Variants in SETD3 observed in about 807,000 individuals in gnomAD.
SETD3 encodes SET domain containing 3, actin N3(tau)-histidine methyltransferase.
SETD3 carries 19 observed loss-of-function variants against 63.0 expected under a neutral mutation model. The ratio of observed to expected loss-of-function variants is 0.30; its 90% CI spans 0.21 to 0.44. The LOEUF (loss-of-function observed/expected upper bound fraction) is 0.44, where lower values mean the gene tolerates loss of function less well. Ranked by LOEUF, SETD3 falls within the 20% of genes least tolerant of loss-of-function variation. SETD3 has a pLI of 1.00. For missense variants in SETD3, 587 were observed against 728.5 expected (o/e 0.81, Z 2.24); for synonymous variants, 286 against 264.1 (o/e 1.08, Z -0.80).
intron 6 of SETD3, among the ~76,000 whole-genome samples, chr14:99,427,423 G>A (rs563008977): frequency 6.6e-6 from 1 of 152,320 alleles, no homozygotes; most frequent in Admixed American, 6.5e-5. Context: ...TTGTGAGTAA[G>A]TGTGAAAACT....
chr14:99,398,447 C>T lies in SETD3; in HGVS notation c.*232G>A. ...TCCCACAGGCACCTCTTCTCCCTTT[C>T]TTGTGGTTGTTTGTTAATTGGTTTG... On this transcript the variant is annotated 3_prime_UTR_variant, in exon 13 of 13. Transcript: ENST00000331768. 1 of 523,066 alleles carries T rather than the reference C, an allele frequency of 1.9e-6. No individual in the cohort carries two copies. The highest frequency in any genetic ancestry group is 2.7e-5 in the South Asian group (1 of 37,594). The allele number at this position is 523,066 out of a possible 1,614,324, so 32.4% of individuals were successfully genotyped here.
intron 6 of SETD3, 51 bp downstream of exon 6, chr14:99,458,228 T>C (rs1189069115): frequency 1.3e-6 from 2 of 1,556,668 alleles, no homozygotes; most frequent in Non-Finnish European, 1.7e-6. Flanking sequence ...TCAATTCCTC[T>C]TTCCTCCCCA....
At chr14:99,421,841 G>A (rs1342199921) in intron 6 of SETD3, among the ~76,000 whole-genome samples, 1 of 152,082 alleles carries the variant, frequency 6.6e-6, no homozygotes, top group Non-Finnish European at 1.5e-5. Flanking sequence ...GAGTTTTCTG[G>A]AGTTTACTTC....
rs552018046 is a variant in SETD3, at chr14:99,444,625, G to A, written c.675+13654C>T. 9.2e-5 allele frequency among the ~76,000 whole-genome samples: 14 copies of A among 152,300 alleles called. No homozygotes were observed. The East Asian group carries it at 1.7e-3, about 19-fold the overall frequency. On this transcript the variant is annotated intron_variant, in intron 6 of 12. Coordinates refer to ENST00000331768, the MANE Select transcript of SETD3 (RefSeq NM_032233.3). ...TGTAATCCCTGCACATTGGGAGGCC[G>A]AGGCGGGTGGATCGCTTGAGCTCAT... is the stretch of plus-strand genomic sequence containing the variant.
At chr14:99,450,133 G>C (rs922515461) in intron 6 of SETD3, among the ~76,000 whole-genome samples, 2 of 152,152 alleles carry the variant, frequency 1.3e-5, no homozygotes, top group Non-Finnish European at 2.9e-5. Context: ...TTCCCTTACA[G>C]TGCTAAAGGA....
At chr14:99,470,004 C>T (rs912713314) in intron 1 of SETD3, among the ~76,000 whole-genome samples, 1 of 152,218 alleles carries the variant, frequency 6.6e-6, no homozygotes, top group Non-Finnish European at 1.5e-5. Flanking sequence ...CTTTCCACAG[C>T]TCACGGGATA....
intron 6 of SETD3, among the ~76,000 whole-genome samples, chr14:99,424,355 G>A (rs1016538859): frequency 3.3e-5 from 5 of 152,190 alleles, no homozygotes; most frequent in Non-Finnish European, 5.9e-5. Context: ...AAGCAGGAAC[G>A]TGGGGAGGAT....
At chr14:99,404,393 C>G in intron 10 of SETD3, 83 bp from the exon 11 acceptor site, 1 of 1,217,736 alleles carries the variant, frequency 8.2e-7, no homozygotes, top group Non-Finnish European at 1.2e-6. Flanking sequence ...GTCTACAGCA[C>G]GTGTGGTTGT....
chr14:99,428,728 T>TA (rs1429153246), intron 6 of SETD3, among the ~76,000 whole-genome samples: 1 of 152,072 alleles, frequency 6.6e-6, no homozygotes, highest in Non-Finnish European at 1.5e-5. Context: ...GAGAATCTGA[T>TA]AAAATCTATG....
chr14:99,467,527 G>A (rs565966327), intron 1 of SETD3, among the ~76,000 whole-genome samples: 105 of 152,304 alleles, frequency 6.9e-4, no homozygotes, highest in African/African-American at 2.4e-3. Flanking sequence ...CATCGAACTT[G>A]ACCTGAAAAT....
chr14:99,467,719 G>T (rs1028398045), intron 1 of SETD3, among the ~76,000 whole-genome samples: 1 of 152,298 alleles, frequency 6.6e-6, no homozygotes, highest in South Asian at 2.1e-4. Flanking sequence ...AGGCAAGAAC[G>T]TCACTTTGAT....
At chr14:99,453,145 G>T (rs1226619568) in intron 6 of SETD3, among the ~76,000 whole-genome samples, 2 of 152,334 alleles carry the variant, frequency 1.3e-5, no homozygotes, top group East Asian at 3.9e-4. Context: ...ACAATGCACT[G>T]ATGAGGTGAC....
At chr14:99,407,924 G>A (rs1459346187) in intron 8 of SETD3, among the ~76,000 whole-genome samples, 1 of 152,146 alleles carries the variant, frequency 6.6e-6, no homozygotes, top group African/African-American at 2.4e-5. Context: ...GAACCCGCAG[G>A]GGAAAGGAAA....
At chr14:99,456,383 T>C (rs1236373081) in intron 6 of SETD3, among the ~76,000 whole-genome samples, 4 of 152,234 alleles carry the variant, frequency 2.6e-5, no homozygotes, top group Non-Finnish European at 4.4e-5. Flanking sequence ...TATTTGATCG[T>C]CGTTGACTAA....
chr14:99,465,224 G>A (rs1895300149), intron 2 of SETD3, among the ~76,000 whole-genome samples: 1 of 152,172 alleles, frequency 6.6e-6, no homozygotes. Context: ...CTGAAGGCCA[G>A]GTCTCCAAGA....
rs1191227260 is a variant in SETD3 at position 99,400,334 on chromosome 14, G to GA, written c.1178-76dup. 3.1e-5 allele frequency: 45 copies of GA among 1,461,188 alleles called. No homozygotes were observed. The East Asian group carries it at 9.8e-4, about 32-fold the overall frequency. 90.5% of individuals were successfully genotyped at this position (1,461,188 alleles called of 1,614,324 possible). ...TCATTTGAACAAGCAATCTACCTTA[G>GA]AAAATATTGTTTCCAACAACGCCAT... On this transcript the variant is annotated intron_variant, in intron 11 of 12. Transcript: ENST00000331768.
At chr14:99,420,613 T>G (rs759701358) in intron 6 of SETD3, among the ~76,000 whole-genome samples, 3 of 152,064 alleles carry the variant, frequency 2.0e-5, no homozygotes, top group Non-Finnish European at 2.9e-5. Context: ...AAACACAGCT[T>G]TCCACATCCT....
At chr14:99,413,834 A>C in intron 7 of SETD3, 42 bp downstream of exon 7, 311 of 1,598,294 alleles carry the variant, frequency 1.9e-4, no homozygotes, top group Non-Finnish European at 2.4e-4. Context: ...TTCACTTAGA[A>C]ACCACCCTCA....
chr14:99,474,611 T>A (rs1461733724), intron 1 of SETD3, among the ~76,000 whole-genome samples: 1 of 152,170 alleles, frequency 6.6e-6, no homozygotes, highest in Non-Finnish European at 1.5e-5. Context: ...ATGCCTGTAA[T>A]CCCAGCATTT....
Sources: gnomAD v4.1 joint callset for allele counts (sites outside exome capture counted in the v4.1 genomes callset) on GRCh38, gnomAD v4.1.1 for gene constraint, MANE v1.5 for transcripts, NCBI Gene and HGNC (gene_info 2026-07-23, HGNC 2026-07-21) for gene names.